Variants in EFCAB5 observed in about 807,000 individuals in gnomAD.
The protein encoded by EFCAB5 is EF-hand calcium-binding domain-containing protein 5.
Under a neutral mutation model 167.9 loss-of-function variants are expected in EFCAB5, and 131 were observed. The ratio of observed to expected loss-of-function variants is 0.78; its 90% confidence interval spans 0.68 to 0.90. EFCAB5 has a LOEUF of 0.90. EFCAB5 is among the 40% of genes least tolerant of loss of function. The pLI, the probability that EFCAB5 is intolerant of heterozygous loss-of-function variation, is 0.00. For missense variants in EFCAB5, 1,663 were observed against 1,745.2 expected, an observed-to-expected ratio of 0.95 and a Z score of 0.84; for synonymous variants, 574 against 602.8, an observed-to-expected ratio of 0.95 and a Z score of 0.70.
Position 30,026,257 on chromosome 17 carries a change from C to T in EFCAB5, c.1045-7973C>T, listed in dbSNP as rs73987660. Reference sequence around the variant, plus strand: ...ACTCATTCCAAGAGACAAAACTTAACAATTTGTATCACTTTTAACACTGGT... The same window carrying T: ...ACTCATTCCAAGAGACAAAACTTAATAATTTGTATCACTTTTAACACTGGT... On this transcript the variant is annotated intron_variant, in intron 7 of 22. Transcript: ENST00000394835. Among the ~76,000 whole-genome samples, 1,277 of 152,118 alleles carry T rather than the reference C, an allele frequency of 8.4e-3. 21 individuals carry two copies. The highest frequency in any genetic ancestry group is 0.029 in the African/African-American group (1,221 of 41,534).
At position 29,967,582 on chromosome 17, in the gene EFCAB5, C is replaced by T. The variant is rs567095284; in HGVS notation, c.191-1209C>T. Reference sequence around the variant, plus strand: ...ATAGTTTCTTCAATCAGTTGAATTCCCCTGCTTTACATTTTTCAGAGATCT... The same window carrying T: ...ATAGTTTCTTCAATCAGTTGAATTCTCCTGCTTTACATTTTTCAGAGATCT... On this transcript the variant is annotated intron_variant, in intron 3 of 22. Transcript: ENST00000394835. Among the ~76,000 whole-genome samples, 13 of 152,264 alleles carry T rather than the reference C, an allele frequency of 8.5e-5. No homozygotes were observed. The South Asian group carries it at 1.7e-3, about 19-fold the overall frequency.
In EFCAB5 at chr17:30,054,208, C is replaced by CT. The variant is rs1421597775; in HGVS notation, c.2194+64dup. 2.7e-6 allele frequency: 4 copies of CT among 1,458,560 alleles called. No homozygotes were observed. In the Admixed American group the frequency reaches 1.1e-4, roughly 42 times the overall value. The allele number at this position is 1,458,560 out of a possible 1,614,324, so 90.4% of individuals were successfully genotyped here. On this transcript the variant is annotated intron_variant, in intron 10 of 22. Transcript: ENST00000394835. The stretch of plus-strand genomic sequence containing the variant: ...TGTTTTGTGGAATGGTTTTTAAAGT[C>CT]TTTTCAGAAAACACTCATTTAAGTT...
chr17:30,064,933 A>C (rs2070520966), intron 14 of EFCAB5, among the ~76,000 whole-genome samples: 1 of 152,220 alleles, frequency 6.6e-6, no homozygotes, highest in African/African-American at 2.4e-5. Context: ...AAAGAAAAAA[A>C]AATTACCAAC....
At position 29,986,709 on chromosome 17, in the gene EFCAB5, C is replaced by T. The variant is rs1311745674; in HGVS notation, c.768-6456C>T. On this transcript the variant is annotated intron_variant, in intron 4 of 22. Transcript: ENST00000394835. The stretch of plus-strand genomic sequence containing the variant: ...TCGCCCAGGCTGGAGTGCAGTGGCG[C>T]AATCTCGGCTCACTGCAGGCTCCGC... 3.0e-5 allele frequency among the ~76,000 whole-genome samples: 4 copies of T among 131,398 alleles called. No homozygotes were observed. In the East Asian group the frequency reaches 9.1e-4, roughly 30 times the overall value. The allele number at this position is 131,398 out of a possible 152,430, so 86.2% of individuals were successfully genotyped here. A position where few individuals can be genotyped will look rare whatever the true frequency, so the allele number is the denominator to read the frequency against.
intron 7 of EFCAB5, among the ~76,000 whole-genome samples, chr17:30,014,376 A>T (rs1214516562): frequency 1.2e-4 from 18 of 152,142 alleles, no homozygotes; most frequent in Admixed American, 1.0e-3. Flanking sequence ...TGTCTCGTTG[A>T]TCTGTCTAAT....
At chr17:29,965,058 C>T (rs1171643227) in intron 3 of EFCAB5, among the ~76,000 whole-genome samples, 2 of 151,786 alleles carry the variant, frequency 1.3e-5, no homozygotes, top group Non-Finnish European at 2.9e-5. Flanking sequence ...CCTGCCACCA[C>T]ATCCGGCTAA....
At chr17:30,080,275 C>G (rs775473752) in intron 16 of EFCAB5, 34 bp downstream of exon 16, 3 of 1,490,752 alleles carry the variant, frequency 2.0e-6, no homozygotes, top group African/African-American at 2.9e-5. Flanking sequence ...GTTTCACCCT[C>G]CTAAAAAAAT....
In EFCAB5 at chr17:29,941,825, TC is replaced by T. The variant is rs1262510999; in HGVS notation, c.30del (p.Arg11AspfsTer17). ...AATGAGTCAGCATCTCAAGAGGAAC[TC>T]AGACCTGCTCAGGTTCTTGTCCTAC... The part of the protein sequence containing the change: MNESASQEE[L>X]RPAQENRKED... On this transcript the variant is annotated frameshift_variant, in exon 1 of 23. Transcript: ENST00000394835. LOFTEE classifies it high-confidence loss of function. The T allele has an allele frequency of 1.2e-6, 2 of 1,604,622 alleles. No homozygotes were observed. The highest frequency in any genetic ancestry group is 2.7e-5 in the African/African-American group (2 of 74,766).
chr17:29,994,711 G>T (rs989809052), intron 5 of EFCAB5, among the ~76,000 whole-genome samples: 2 of 152,166 alleles, frequency 1.3e-5, no homozygotes, highest in African/African-American at 4.8e-5. Flanking sequence ...ACGAGTGCAA[G>T]ACCAGCCTGG....
At chr17:29,986,498 G>A (rs2151619808) in intron 4 of EFCAB5, among the ~76,000 whole-genome samples, 1 of 152,234 alleles carries the variant, frequency 6.6e-6, no homozygotes, top group East Asian at 1.9e-4. Flanking sequence ...GATTCCATAG[G>A]AATCGTTGTG....
At chr17:29,957,227 A>T (rs1473591615) in intron 3 of EFCAB5, among the ~76,000 whole-genome samples, 1 of 152,154 alleles carries the variant, frequency 6.6e-6, no homozygotes, top group Non-Finnish European at 1.5e-5. Flanking sequence ...TTTGTCTTTC[A>T]TTCTGTTGAT....
At chr17:30,059,266 T>A (rs4994355) in intron 13 of EFCAB5, 118,563 of 201,406 alleles carry the variant, frequency 0.59, 37,328 homozygotes, top group African/African-American at 0.85. Context: ...TAAAAATTTT[T>A]AAAAAAAATT....
intron 8 of EFCAB5, among the ~76,000 whole-genome samples, chr17:30,038,958 C>T (rs2069696092): frequency 6.6e-6 from 1 of 152,080 alleles, no homozygotes; most frequent in Non-Finnish European, 1.5e-5. Context: ...GGACCGAGAC[C>T]CACCTGGTGT....
Position 30,108,186 on chromosome 17 carries a change from A to G in EFCAB5, c.*162A>G. 1.3e-6 allele frequency: 1 copy of G among 774,756 alleles called. No individual in the cohort carries two copies. The highest frequency in any genetic ancestry group is 2.2e-5 in the South Asian group (1 of 45,614). The allele number at this position is 774,756 out of a possible 1,614,324, so 48.0% of individuals were successfully genotyped here. On this transcript the variant is annotated 3_prime_UTR_variant, in exon 23 of 23. Transcript: ENST00000394835. Reference sequence around the variant, plus strand: ...TTTCTAAACCCAAAAGTGCTACCTAAGAAGAAATTTAGCCAAAAAATACCC... The same window carrying G: ...TTTCTAAACCCAAAAGTGCTACCTAGGAAGAAATTTAGCCAAAAAATACCC...
In EFCAB5 at chr17:30,092,954, T is replaced by A; in HGVS notation, c.4321+18T>A. The A allele has an allele frequency of 5.1e-6, 8 of 1,574,946 alleles. No homozygotes were observed. The highest frequency in any genetic ancestry group is 6.9e-6 in the Non-Finnish European group (8 of 1,152,500). ...TATCAGAGGTAAATTTCCACTTAAT[T>A]ACAGCCTAAATCTATGCCAACAGCA... is the stretch of plus-strand genomic sequence containing the variant. On this transcript the variant is annotated intron_variant, in intron 22 of 22. Transcript: ENST00000394835.
chr17:29,963,244 C>A (rs1278695566), intron 3 of EFCAB5, among the ~76,000 whole-genome samples: 1 of 152,138 alleles, frequency 6.6e-6, no homozygotes, highest in African/African-American at 2.4e-5. Context: ...ACCTGGCCAA[C>A]TGTGGATTTT....
At chr17:30,047,809 T>G (rs1333884108) in intron 8 of EFCAB5, among the ~76,000 whole-genome samples, 1 of 152,184 alleles carries the variant, frequency 6.6e-6, no homozygotes, top group Admixed American at 6.5e-5. Context: ...GATACCACAA[T>G]GGAGAATCTC....
intron 7 of EFCAB5, among the ~76,000 whole-genome samples, chr17:30,026,285 C>T (rs1428643101): frequency 1.3e-5 from 2 of 151,758 alleles, no homozygotes; most frequent in South Asian, 2.1e-4. Context: ...ACACTGGTGC[C>T]GAGTTCCCTA....
chr17:29,955,463 G>A (rs1425580696), intron 3 of EFCAB5, among the ~76,000 whole-genome samples: 1 of 152,148 alleles, frequency 6.6e-6, no homozygotes, highest in Non-Finnish European at 1.5e-5. Flanking sequence ...TGTAAGACAT[G>A]ACTTTGCTCC....
Sources: allele counts gnomAD v4.1 joint callset (sites outside exome capture counted in the v4.1 genomes callset), GRCh38; gene constraint gnomAD v4.1.1; transcripts MANE v1.5; gene names NCBI Gene and HGNC (gene_info 2026-07-23, HGNC 2026-07-21).